RPP30: variants seen among roughly 807,000 people sequenced by gnomAD.
The protein encoded by RPP30 is ribonuclease P protein subunit p30.
In RPP30, 36 loss-of-function variants were observed where a neutral mutation model predicts 38.6. That is an observed-to-expected ratio of 0.93 (90% CI 0.71 to 1.23). The LOEUF (loss-of-function observed/expected upper bound fraction) is 1.23, where lower values mean the gene tolerates loss of function less well. Ranked by LOEUF, RPP30 falls within the 50% of genes most tolerant of loss-of-function variation. The pLI, the probability that RPP30 is intolerant of heterozygous loss-of-function variation, is 0.00. For synonymous variants in RPP30, 126 were observed against 112.7 expected (o/e 1.12, Z -0.75); for missense variants, 321 against 321.7 (o/e 1.00, Z 0.02).
intron 6 of RPP30, among the ~76,000 whole-genome samples, chr10:90,888,638 G>A (rs1350931241): frequency 6.6e-6 from 1 of 152,136 alleles, no homozygotes; most frequent in African/African-American, 2.4e-5. Flanking sequence ...GGAAGTATAT[G>A]CCGTGAGGGA....
At chr10:90,874,968 T>G in intron 2 of RPP30, 44 bp downstream of exon 2, 2 of 1,248,844 alleles carry the variant, frequency 1.6e-6, no homozygotes, top group East Asian at 2.5e-5. Flanking sequence ...AAATAAGTAT[T>G]TGTAATTCTG....
At chr10:90,884,019 G>A (rs138682607) in intron 5 of RPP30, among the ~76,000 whole-genome samples, 76 of 151,838 alleles carry the variant, frequency 5.0e-4, no homozygotes, top group African/African-American at 1.8e-3. Flanking sequence ...TTTCTTAGAG[G>A]TTGTTCCATA....
At chr10:90,893,257 T>G (rs1381378437) in intron 6 of RPP30, among the ~76,000 whole-genome samples, 1 of 152,148 alleles carries the variant, frequency 6.6e-6, no homozygotes, top group Non-Finnish European at 1.5e-5. Context: ...CTGAATTAAA[T>G]CAAGATGGAC....
chr10:90,879,922 A>G (rs910091401), intron 5 of RPP30: 16 of 152,234 alleles, frequency 1.1e-4, no homozygotes, highest in African/African-American at 3.9e-4. Context: ...CGCCAAAAGT[A>G]TAAAATGAGG....
chr10:90,882,067 T>A (rs1589496096), intron 5 of RPP30, among the ~76,000 whole-genome samples: 1 of 152,254 alleles, frequency 6.6e-6, no homozygotes, highest in South Asian at 2.1e-4. Flanking sequence ...GGTCCATTGG[T>A]TAGGGCTCCT....
At chr10:90,887,386 A>AT (rs1267063795) in intron 6 of RPP30, among the ~76,000 whole-genome samples, 1,915 of 143,388 alleles carry the variant, frequency 0.013, 29 homozygotes, top group African/African-American at 0.039. Flanking sequence ...TGTTGGGTAA[A>AT]TTTTTTTTTT....
chr10:90,889,591 G>A (rs1847048757), intron 6 of RPP30, among the ~76,000 whole-genome samples: 2 of 152,086 alleles, frequency 1.3e-5, no homozygotes, highest in Non-Finnish European at 2.9e-5. Flanking sequence ...ATTAAGCACA[G>A]ATCTTAATTT....
chr10:90,897,690 A>G (rs1847156525), intron 10 of RPP30, among the ~76,000 whole-genome samples: 1 of 152,236 alleles, frequency 6.6e-6, no homozygotes, highest in African/African-American at 2.4e-5. Flanking sequence ...AAATATAAAT[A>G]CATACATAAT....
intron 4 of RPP30, among the ~76,000 whole-genome samples, chr10:90,877,025 A>G (rs1846861210): frequency 6.6e-6 from 1 of 152,172 alleles, no homozygotes; most frequent in Non-Finnish European, 1.5e-5. Context: ...AGAGCCCGTC[A>G]AAAAAGATGT....
intron 7 of RPP30, 186 bp downstream of exon 7, chr10:90,895,077 T>C: frequency 1.5e-6 from 1 of 652,126 alleles, no homozygotes; most frequent in Middle Eastern, 3.7e-4. Context: ...AAGAATAATG[T>C]AAGGGAGAAA....
At chr10:90,905,647 T>G (rs995702805), downstream of RPP30, 62 of 152,310 alleles carry the variant, frequency 4.1e-4, no homozygotes, top group African/African-American at 1.4e-3. Flanking sequence ...AAATGTCCAG[T>G]AACATGAAGA....
In RPP30 at chr10:90,882,391, A is replaced by G. The variant is rs373806205; in HGVS notation, c.342+3257A>G. On this transcript the variant is annotated intron_variant, in intron 5 of 10. Coordinates refer to ENST00000371703, the MANE Select transcript of RPP30 (RefSeq NM_006413.5). The stretch of plus-strand genomic sequence containing the variant: ...CTTAAGATAGTGAATTAAAAATTAA[A>G]TGGGCCAGGCATGGTGGCTCACGCC... Among the ~76,000 whole-genome samples the G allele has an allele frequency of 1.1e-4, 17 of 152,228 alleles. 1 individual carries two copies. The East Asian group carries it at 3.3e-3, about 29-fold the overall frequency.
intron 10 of RPP30, among the ~76,000 whole-genome samples, chr10:90,900,309 A>G (rs1014025126): frequency 2.0e-5 from 3 of 152,246 alleles, no homozygotes; most frequent in Non-Finnish European, 2.9e-5. Flanking sequence ...ATAAGATGCC[A>G]TGGACAGACC....
intron 5 of RPP30, chr10:90,880,010 A>C (rs1846902192): frequency 6.6e-6 from 1 of 152,026 alleles, no homozygotes; most frequent in Non-Finnish European, 1.5e-5. Flanking sequence ...AAATATAACC[A>C]CCAAAGGTAC....
intron 2 of RPP30, among the ~76,000 whole-genome samples, chr10:90,875,215 T>C (rs1846835454): frequency 6.6e-6 from 1 of 150,678 alleles, no homozygotes. Flanking sequence ...TCAAAATATT[T>C]AGTCCTTTTT....
chr10:90,874,827 GGTT>G, intron 1 of RPP30, 39 bp from the exon 2 acceptor site: 1 of 1,383,936 alleles, frequency 7.2e-7, no homozygotes, highest in Non-Finnish European at 1.0e-6. Flanking sequence ...AGGAAGGAGA[GGTT>G]GTTATATTTA....
intron 1 of RPP30, among the ~76,000 whole-genome samples, chr10:90,874,030 C>T (rs764697195): frequency 3.9e-5 from 6 of 152,058 alleles, no homozygotes; most frequent in Non-Finnish European, 5.9e-5. Flanking sequence ...CCTGTATGCT[C>T]AACACCAGTT....
At chr10:90,902,682 G>A (rs1361704945), downstream of RPP30, among the ~76,000 whole-genome samples, 1 of 152,180 alleles carries the variant, frequency 6.6e-6, no homozygotes, top group African/African-American at 2.4e-5. Context: ...CAAAATTAAA[G>A]TAGAATAATA....
Position 90,894,816 on chromosome 10 carries a change from T to A in RPP30, c.474T>A (p.Pro158=), listed in dbSNP as rs750235104. The change falls in exon 7 of 11, where the codon CCT becomes CCA. Residue 158 remains proline (P), a synonymous_variant. Transcript: ENST00000371703. ...TGGCTTTTGAACTTGTCTATAGCCCTGCTATCAAAGACTCCACAATGAGAA... is the reference window on the plus strand; with the variant it reads ...TGGCTTTTGAACTTGTCTATAGCCCAGCTATCAAAGACTCCACAATGAGAA... ...RGLAFELVYS[P]AIKDSTMRRY... 6 of 1,613,564 alleles carry A rather than the reference T, an allele frequency of 3.7e-6. No homozygotes were observed. Among genetic ancestry groups the A allele is most frequent in the African/African-American group, 1.3e-5 (1 of 75,012 alleles).
Sources: allele counts gnomAD v4.1 joint callset (sites outside exome capture counted in the v4.1 genomes callset), GRCh38; gene constraint gnomAD v4.1.1; transcripts MANE v1.5; gene names NCBI Gene and HGNC (gene_info 2026-07-23, HGNC 2026-07-21).